Variants in TRIP13 observed in about 807,000 individuals in gnomAD.
TRIP13 encodes the protein thyroid hormone receptor interactor 13, also known as pachytene checkpoint protein 2 homolog.
A neutral mutation model predicts 54.4 loss-of-function variants in TRIP13; 25 were observed. The observed-to-expected ratio is 0.46, with a 90% CI of 0.33 to 0.64. The LOEUF is 0.64. TRIP13 is among the 30% of genes least tolerant of loss of function. TRIP13 has a pLI of 0.02. For synonymous variants in TRIP13, 207 were observed against 207.8 expected (o/e 1.00, Z 0.03); for missense variants, 373 against 534.2 (o/e 0.70, Z 2.97).
Position 911,685 on chromosome 5 carries a change from G to A in TRIP13, c.867-158G>A, listed in dbSNP as rs1266040210. On this transcript the variant is annotated intron_variant, in intron 9 of 12. Coordinates refer to ENST00000166345, the MANE Select transcript of TRIP13 (RefSeq NM_004237.4). The surrounding 1 kb of genome is among the most constrained non-coding windows in gnomAD (Gnocchi z 4.7). Reference sequence around the variant, plus strand: ...CCAAGGAGCAGCGAGAGCAAAGGCTGGGGGGTCTGCGTGGCCTGTGTTGGC... The same window carrying A: ...CCAAGGAGCAGCGAGAGCAAAGGCTAGGGGGTCTGCGTGGCCTGTGTTGGC... 6.6e-6 allele frequency among the ~76,000 whole-genome samples: 1 copy of A among 152,218 alleles called. No individual in the cohort carries two copies. The highest frequency in any genetic ancestry group is 1.5e-5 in the Non-Finnish European group (1 of 68,042).
intron 5 of TRIP13, among the ~76,000 whole-genome samples, chr5:903,486 A>G (rs1325260266): frequency 6.6e-6 from 1 of 152,178 alleles, no homozygotes; most frequent in Middle Eastern, 3.2e-3. Flanking sequence ...ATCTATATCT[A>G]GTATAATTAT....
At chr5:895,603 TG>T (rs1208066743) in intron 2 of TRIP13, among the ~76,000 whole-genome samples, 1 of 152,208 alleles carries the variant, frequency 6.6e-6, no homozygotes, top group Non-Finnish European at 1.5e-5. Flanking sequence ...TTAGGACTCA[TG>T]TTTGTGCATG....
chr5:903,462 T>G (rs1000578521), intron 5 of TRIP13, among the ~76,000 whole-genome samples: 1 of 152,196 alleles, frequency 6.6e-6, no homozygotes, highest in South Asian at 2.1e-4. Flanking sequence ...TATTCATATA[T>G]AATCATATCT....
intron 4 of TRIP13, 100 bp from the exon 5 acceptor site, chr5:901,241 C>G (rs1307759563): frequency 1.3e-5 from 13 of 1,038,456 alleles, no homozygotes; most frequent in Non-Finnish European, 1.9e-5. Flanking sequence ...CCCTGTGCTC[C>G]CTCTTCTCAT....
intron 9 of TRIP13, among the ~76,000 whole-genome samples, chr5:910,547 GCA>G (rs1161269273): frequency 6.6e-6 from 1 of 152,158 alleles, no homozygotes; most frequent in Non-Finnish European, 1.5e-5. Flanking sequence ...GCCTCGCTGT[GCA>G]CCTGCCACTC....
chr5:918,786 T>C (rs1312123607), downstream of TRIP13, among the ~76,000 whole-genome samples: 1 of 152,174 alleles, frequency 6.6e-6, no homozygotes, highest in Admixed American at 6.5e-5. The surrounding 1 kb of genome is among the most constrained non-coding windows in gnomAD (Gnocchi z 4.3). Context: ...GAGAAAGATG[T>C]AGGCTGGGAG....
chr5:919,108 A>AT (rs1754384585), downstream of TRIP13: 1 of 152,278 alleles, frequency 6.6e-6, no homozygotes, highest in Non-Finnish European at 1.5e-5. Flanking sequence ...TGTGAAGGAC[A>AT]TAGCTTGGAA....
Position 894,961 on chromosome 5 carries a change from C to G in TRIP13, c.258+9C>G. ...AGGTTAAAGACTCACAGGTAAGTTA[C>G]TAATTTGCTGGGCCAAGGAACAGTT... is the stretch of plus-strand genomic sequence containing the variant. On this transcript the variant is annotated intron_variant, in intron 2 of 12. Coordinates refer to ENST00000166345, the MANE Select transcript of TRIP13 (RefSeq NM_004237.4). 6.3e-7 allele frequency: 1 copy of G among 1,597,092 alleles called. No individual in the cohort carries two copies. Among genetic ancestry groups the G allele is most frequent in the Non-Finnish European group, 8.5e-7 (1 of 1,173,432 alleles).
chr5:911,585 A>G lies in TRIP13; in HGVS notation c.867-258A>G, dbSNP rs554214323. 2.0e-3 allele frequency among the ~76,000 whole-genome samples: 303 copies of G among 151,028 alleles called. 2 individuals are homozygous for G. Among genetic ancestry groups the G allele is most frequent in the African/African-American group, 7.0e-3 (288 of 41,280 alleles). ...GACTCTGTCTCAAAAAAAAAAAAAA[A>G]GGAAAGTGAGATCCTTGCCAAGGTT... is the stretch of plus-strand genomic sequence containing the variant. On this transcript the variant is annotated intron_variant, in intron 9 of 12. Transcript: ENST00000166345. The surrounding 1 kb of genome is among the most constrained non-coding windows in gnomAD (Gnocchi z 4.7).
At chr5:902,535 T>C (rs1346222270) in intron 5 of TRIP13, among the ~76,000 whole-genome samples, 1 of 152,246 alleles carries the variant, frequency 6.6e-6, no homozygotes, top group East Asian at 1.9e-4. Context: ...TTCTGTTAGA[T>C]GCTTTCCTTT....
chr5:918,698 A>C (rs1400156967), downstream of TRIP13, among the ~76,000 whole-genome samples: 1 of 152,164 alleles, frequency 6.6e-6, no homozygotes, highest in Non-Finnish European at 1.5e-5. The surrounding 1 kb of genome is among the most constrained non-coding windows in gnomAD (Gnocchi z 4.3). Flanking sequence ...CGCAAGCTTC[A>C]GCAAGGAGAG....
In TRIP13 at chr5:907,178, T is replaced by A; in HGVS notation, c.657T>A (p.Ser219=). ...LIEINSHSLF[S]KWFSESGKLV... is the part of the protein sequence containing the mutation. ...AAATAAACAGCCACAGCCTCTTTTC[T>A]AAGTGGTTTTCGGAAGTAAGTATTA... The change falls in exon 7 of 13, where the codon TCT becomes TCA. Residue 219 remains serine (S), a synonymous_variant. Transcript: ENST00000166345. This position sits in a 1 kb window ranked among gnomAD's most constrained non-coding sequence, Gnocchi z 4.1. 1 of 1,613,938 alleles carries A rather than the reference T, an allele frequency of 6.2e-7. No individual in the cohort carries two copies. The highest frequency in any genetic ancestry group is 8.5e-7 in the Non-Finnish European group (1 of 1,179,782).
chr5:897,101 G>C (rs532392389), intron 3 of TRIP13, among the ~76,000 whole-genome samples: 1 of 152,152 alleles, frequency 6.6e-6, no homozygotes, highest in South Asian at 2.1e-4. Context: ...ATGCTTCTCC[G>C]TGGGCATTGC....
In TRIP13 at chr5:908,230, C is replaced by T. The variant is rs370139497; in HGVS notation, c.760-125C>T. ...CGCCTTTCCACCTTGCCGCAGCATC[C>T]GCAGGCTAGGCACGGGAACACCCAT... is the stretch of plus-strand genomic sequence containing the variant. On this transcript the variant is annotated intron_variant, in intron 8 of 12. Transcript: ENST00000166345. The surrounding 1 kb of genome is among the most constrained non-coding windows in gnomAD (Gnocchi z 5.2). The T allele has an allele frequency of 2.0e-5, 28 of 1,405,608 alleles. No individual in the cohort carries two copies. The highest frequency in any genetic ancestry group is 1.8e-5 in the Non-Finnish European group (18 of 1,007,442). The allele number at this position is 1,405,608 out of a possible 1,614,324, so 87.1% of individuals were successfully genotyped here. A position where few individuals can be genotyped will look rare whatever the true frequency, so the allele number is the denominator to read the frequency against.
rs576239181 is a variant in TRIP13, at chr5:900,638, T to G, written c.444+89T>G. ...TCTCCAACACCCCTGAGCAACTTGA[T>G]GCAGATGGGTTTTTGGGAGCCCCTG... On this transcript the variant is annotated intron_variant, in intron 4 of 12. Coordinates refer to ENST00000166345, the MANE Select transcript of TRIP13 (RefSeq NM_004237.4). The G allele has an allele frequency of 2.1e-5, 30 of 1,437,092 alleles. No individual in the cohort carries two copies. The East Asian group carries it at 7.1e-4, about 34-fold the overall frequency. The allele number at this position is 1,437,092 out of a possible 1,614,324, so 89.0% of individuals were successfully genotyped here.
chr5:914,149 C>G (rs1754296030), intron 10 of TRIP13, among the ~76,000 whole-genome samples: 1 of 152,222 alleles, frequency 6.6e-6, no homozygotes, highest in African/African-American at 2.4e-5. Flanking sequence ...TGGGTGCCTC[C>G]AGGTCCCTTC....
intron 3 of TRIP13, among the ~76,000 whole-genome samples, chr5:897,172 G>C (rs1753935387): frequency 1.3e-5 from 2 of 150,774 alleles, no homozygotes; most frequent in African/African-American, 4.9e-5. Flanking sequence ...GGAAACAGGT[G>C]GATTTGGATG....
In TRIP13 at chr5:911,770, C is replaced by A; in HGVS notation, c.867-73C>A. The A allele has an allele frequency of 6.6e-7, 1 of 1,525,250 alleles. No homozygotes were observed. 94.5% of individuals were successfully genotyped at this position (1,525,250 alleles called of 1,614,324 possible). On this transcript the variant is annotated intron_variant, in intron 9 of 12. Coordinates refer to ENST00000166345, the MANE Select transcript of TRIP13 (RefSeq NM_004237.4). This position sits in a 1 kb window ranked among gnomAD's most constrained non-coding sequence, Gnocchi z 4.7. ...GGCCATCGTCCTGCCAACCTCCTTG[C>A]CAGATAGGGCAGGATAGAATTGGGT...
chr5:895,131 AG>A (rs1281669253), intron 2 of TRIP13, among the ~76,000 whole-genome samples, 179 bp downstream of exon 2: 7 of 152,236 alleles, frequency 4.6e-5, no homozygotes, highest in African/African-American at 7.2e-5. Flanking sequence ...AGTAGGAAGT[AG>A]CCCTGATGTC....
Sources: gnomAD v4.1 joint callset for allele counts (sites outside exome capture counted in the v4.1 genomes callset) on GRCh38, gnomAD v4.1.1 for gene constraint, Gnocchi (gnomAD v3.1) non-coding constraint, MANE v1.5 for transcripts, NCBI Gene and HGNC (gene_info 2026-07-23, HGNC 2026-07-21) for gene names.